The following DLGAP1 variants were observed in gnomAD, a reference collection of about 807,000 sequenced individuals.
DLGAP1 encodes the protein DLG associated protein 1.
DLGAP1 carries 11 observed loss-of-function variants against 90.8 expected under a neutral mutation model. The ratio of observed to expected loss-of-function variants is 0.12; its 90% CI spans 0.08 to 0.20. DLGAP1 has a LOEUF of 0.20. Ranked by LOEUF, DLGAP1 falls within the 10% of genes least tolerant of loss-of-function variation. The pLI is 1.00. For synonymous variants in DLGAP1, 558 were observed against 540.7 expected (o/e 1.03, Z -0.44); for missense variants, 1,050 against 1,333.8 (o/e 0.79, Z 3.31).
intron 3 of DLGAP1, among the ~76,000 whole-genome samples, chr18:3,982,295 T>G (rs1194096837): frequency 6.6e-6 from 1 of 152,182 alleles, no homozygotes; most frequent in Non-Finnish European, 1.5e-5. Context: ...AGTCACACTG[T>G]CTCCACGTCA....
At chr18:3,849,408 G>T (rs999394755) in intron 4 of DLGAP1, among the ~76,000 whole-genome samples, 2 of 151,990 alleles carry the variant, frequency 1.3e-5, no homozygotes, top group Admixed American at 6.6e-5. Flanking sequence ...GAGTATGAGG[G>T]GTGCATTGCA....
chr18:4,219,314 T>C (rs946655843), intron 1 of DLGAP1, among the ~76,000 whole-genome samples: 2 of 152,026 alleles, frequency 1.3e-5, no homozygotes, highest in Non-Finnish European at 2.9e-5. Context: ...GCCCATTTTT[T>C]TTGGACTGGG....
chr18:4,092,402 A>T (rs2143768580), intron 2 of DLGAP1, among the ~76,000 whole-genome samples: 1 of 152,144 alleles, frequency 6.6e-6, no homozygotes, highest in Non-Finnish European at 1.5e-5. Flanking sequence ...TTGCTCTGTG[A>T]TCCTGCCCCT....
intron 1 of DLGAP1, among the ~76,000 whole-genome samples, chr18:4,421,273 G>T (rs1046056003): frequency 6.6e-6 from 1 of 151,796 alleles, no homozygotes; most frequent in East Asian, 1.9e-4. Flanking sequence ...TCTCTGCTCT[G>T]TCTTCACTTC....
intron 7 of DLGAP1, among the ~76,000 whole-genome samples, chr18:3,649,947 G>A (rs2059238152): frequency 6.6e-6 from 1 of 152,172 alleles, no homozygotes; most frequent in Admixed American, 6.5e-5. Flanking sequence ...TCCAGTTTCT[G>A]GGTCACGTGG....
chr18:3,895,660 C>G (rs570094325), intron 3 of DLGAP1: 1 of 152,234 alleles, frequency 6.6e-6, no homozygotes, highest in South Asian at 2.1e-4. Context: ...CTGGGAATAA[C>G]GCATTGTTGG....
intron 1 of DLGAP1, among the ~76,000 whole-genome samples, chr18:4,326,276 A>C (rs180730853): frequency 6.6e-6 from 1 of 152,290 alleles, no homozygotes; most frequent in East Asian, 1.9e-4. Context: ...ACACAAGTGC[A>C]AATCAAAACC....
intron 7 of DLGAP1, among the ~76,000 whole-genome samples, chr18:3,703,303 A>G (rs1400874447): frequency 6.6e-6 from 1 of 152,252 alleles, no homozygotes; most frequent in African/African-American, 2.4e-5. Context: ...TCTGAATTTT[A>G]TTGCATTTAC....
At chr18:4,356,651 T>G (rs1390814871) in intron 1 of DLGAP1, among the ~76,000 whole-genome samples, 3 of 152,088 alleles carry the variant, frequency 2.0e-5, no homozygotes, top group African/African-American at 7.2e-5. Flanking sequence ...CACTATTATC[T>G]CTTGACTGGA....
rs527707018 is a variant in DLGAP1 at position 3,520,905 on chromosome 18, C to T, written c.2480-12244G>A. Among the ~76,000 whole-genome samples the T allele has an allele frequency of 1.1e-4, 17 of 152,318 alleles. No homozygotes were observed. In the South Asian group the frequency reaches 1.4e-3, roughly 13 times the overall value. ...TTCACCTTCTGGACTCTGCCTTTGG[C>T]ACAGAGGAAACTCAGATCCCCTGGG... On this transcript the variant is annotated intron_variant, in intron 10 of 12. Transcript: ENST00000315677.
At chr18:4,082,510 C>CAAAAAAAAAAAAAAAAAAAAAAAAAAAAA (rs59735494) in intron 2 of DLGAP1, among the ~76,000 whole-genome samples, 4 of 52,098 alleles carry the variant, frequency 7.7e-5, no homozygotes, top group African/African-American at 2.7e-4. Context: ...GACTTTGTCT[C>CAAAAAAAAAAAAAAAAAAAAAAAAAAAAA]AAAAAAAAAA....
chr18:3,761,023 C>T (rs77818058), intron 5 of DLGAP1, among the ~76,000 whole-genome samples: 5 of 152,110 alleles, frequency 3.3e-5, no homozygotes, highest in Admixed American at 1.3e-4. Flanking sequence ...GAATTTACTG[C>T]GTAATAAACA....
chr18:4,193,222 G>A (rs975822842), intron 1 of DLGAP1, among the ~76,000 whole-genome samples: 8 of 152,132 alleles, frequency 5.3e-5, no homozygotes, highest in Middle Eastern at 3.2e-3. Context: ...GCTGGACGTG[G>A]GCCTGGCCTG....
At chr18:3,867,180 A>C (rs745541918) in intron 4 of DLGAP1, among the ~76,000 whole-genome samples, 1 of 152,168 alleles carries the variant, frequency 6.6e-6, no homozygotes, top group Non-Finnish European at 1.5e-5. Context: ...ACTGTGAGTC[A>C]CAGTGTGGGT....
intron 1 of DLGAP1, among the ~76,000 whole-genome samples, chr18:4,153,193 C>G (rs1019602628): frequency 3.3e-5 from 5 of 152,156 alleles, no homozygotes; most frequent in African/African-American, 1.2e-4. Flanking sequence ...TTGCCAAATG[C>G]AGTTGATCAT....
intron 2 of DLGAP1, among the ~76,000 whole-genome samples, chr18:4,008,935 G>T (rs1211503915): frequency 6.6e-6 from 1 of 151,844 alleles, no homozygotes; most frequent in Admixed American, 6.6e-5. Context: ...ACGGAGTCTC[G>T]CTCCGTCGCC....
At chr18:3,918,386 G>C (rs540094776) in intron 3 of DLGAP1, among the ~76,000 whole-genome samples, 328 of 152,240 alleles carry the variant, frequency 2.2e-3, no homozygotes, top group Non-Finnish European at 2.7e-3. Context: ...TTTAACCTTT[G>C]AGTCTCAGTT....
intron 1 of DLGAP1, among the ~76,000 whole-genome samples, chr18:4,181,066 T>C (rs1210441853): frequency 6.6e-6 from 1 of 152,206 alleles, no homozygotes; most frequent in Non-Finnish European, 1.5e-5. Context: ...GTCTCACATT[T>C]TCTTGACTAT....
At chr18:3,721,935 A>T (rs1165095410) in intron 7 of DLGAP1, 1 of 152,196 alleles carries the variant, frequency 6.6e-6, no homozygotes, top group Non-Finnish European at 1.5e-5. Flanking sequence ...CAATGTATGC[A>T]GCTGTTTGTA....
Sources: allele counts gnomAD v4.1 joint callset (sites outside exome capture counted in the v4.1 genomes callset), GRCh38; gene constraint gnomAD v4.1.1; transcripts MANE v1.5; gene names NCBI Gene and HGNC (gene_info 2026-07-23, HGNC 2026-07-21).